Variants in PTHLH observed in about 807,000 individuals in gnomAD.
PTHLH encodes parathyroid hormone like hormone, also known as parathyroid hormone-related protein.
Under a neutral mutation model 18.6 loss-of-function variants are expected in PTHLH, and 5 were observed. The ratio of observed to expected loss-of-function variants is 0.27; its 90% CI spans 0.14 to 0.56. The LOEUF is 0.56. Among genes scored for constraint, PTHLH ranks in the 20% least tolerant of loss-of-function variants. PTHLH has a pLI of 0.92. For missense variants in PTHLH, 207 were observed against 223.9 expected, an observed-to-expected ratio of 0.92 and a Z score of 0.48; for synonymous variants, 90 against 94.0, an observed-to-expected ratio of 0.96 and a Z score of 0.25.
intron 4 of PTHLH, 87 bp downstream of exon 4, chr12:27,969,307 G>T (rs536647138): frequency 1.5e-6 from 2 of 1,312,520 alleles, no homozygotes; most frequent in Non-Finnish European, 2.1e-6. Context: ...ATCGGTGACC[G>T]CTGCAAGCCC....
At chr12:27,964,831 T>C (rs941112080) in intron 4 of PTHLH, among the ~76,000 whole-genome samples, 3 of 152,228 alleles carry the variant, frequency 2.0e-5, no homozygotes, top group Non-Finnish European at 4.4e-5. Flanking sequence ...CATTGTGTAT[T>C]CTTTTATTAT....
intron 4 of PTHLH, among the ~76,000 whole-genome samples, chr12:27,966,384 A>G (rs949332407): frequency 6.6e-6 from 1 of 152,246 alleles, no homozygotes; most frequent in African/African-American, 2.4e-5. Context: ...ATGCTGTTAG[A>G]CACTTTACTT....
intron 4 of PTHLH, among the ~76,000 whole-genome samples, chr12:27,966,609 G>A (rs1404550873): frequency 6.6e-6 from 1 of 152,074 alleles, no homozygotes; most frequent in Non-Finnish European, 1.5e-5. Context: ...TACTCAATTT[G>A]TCTGTAAACA....
At chr12:27,961,334 C>CGTATATATATATACGTATATATATACGTA (rs1179427224) in intron 5 of PTHLH, among the ~76,000 whole-genome samples, 5 of 103,678 alleles carry the variant, frequency 4.8e-5, no homozygotes, top group African/African-American at 1.9e-4. Flanking sequence ...TATATATATA[C>CGTATATATATATACGTATATATATACGTA]TTTTTGCCTC....
At chr12:27,965,653 A>C (rs566568174) in intron 4 of PTHLH, among the ~76,000 whole-genome samples, 2 of 152,322 alleles carry the variant, frequency 1.3e-5, no homozygotes, top group East Asian at 3.9e-4. Flanking sequence ...AAGGAATTTA[A>C]CAGGAGCCTG....
intron 5 of PTHLH, among the ~76,000 whole-genome samples, chr12:27,960,717 C>CAAAA (rs146277675): frequency 2.1e-5 from 2 of 96,118 alleles, no homozygotes; most frequent in African/African-American, 4.0e-5. Flanking sequence ...GACTCTGTCT[C>CAAAA]AAAAAAAAAA....
chr12:27,965,518 A>T (rs934479319), intron 4 of PTHLH, among the ~76,000 whole-genome samples: 1 of 152,242 alleles, frequency 6.6e-6, no homozygotes, highest in Non-Finnish European at 1.5e-5. Flanking sequence ...AAAGAGTAAG[A>T]GATGAAAATA....
intron 4 of PTHLH, 28 bp downstream of exon 4, chr12:27,969,366 G>A: frequency 6.5e-7 from 1 of 1,547,720 alleles, no homozygotes; most frequent in Non-Finnish European, 8.7e-7. Flanking sequence ...TCCCCAACCC[G>A]GCGCCCTGGG....
intron 5 of PTHLH, among the ~76,000 whole-genome samples, chr12:27,959,843 T>G (rs2062739252): frequency 6.6e-6 from 1 of 152,188 alleles, no homozygotes; most frequent in African/African-American, 2.4e-5. Flanking sequence ...TGTGGATAGA[T>G]GATATGAATA....
intron 5 of PTHLH, chr12:27,962,143 G>T: frequency 2.0e-6 from 1 of 511,262 alleles, no homozygotes; most frequent in Non-Finnish European, 3.4e-6. Flanking sequence ...GACTACTCAG[G>T]TCTTTTAGCC....
intron 4 of PTHLH, 84 bp downstream of exon 4, chr12:27,969,310 G>T: frequency 7.5e-7 from 1 of 1,338,992 alleles, no homozygotes; most frequent in Non-Finnish European, 1.0e-6. Flanking sequence ...GGTGACCGCT[G>T]CAAGCCCTCG....
chr12:27,970,007 A>G lies in PTHLH; in HGVS notation c.-23+18T>C. 1 of 519,040 alleles carries G rather than the reference A, an allele frequency of 1.9e-6. No homozygotes were observed. The highest frequency in any genetic ancestry group is 3.8e-6 in the Non-Finnish European group (1 of 259,880). The allele number at this position is 519,040 out of a possible 1,614,324, so 32.2% of individuals were successfully genotyped here. On this transcript the variant is annotated intron_variant, in intron 3 of 5. Coordinates refer to ENST00000545234, the MANE Select transcript of PTHLH (RefSeq NM_198965.2). ...CTTGTAGCGAAACCCACATATATAT[A>G]CATAGCTGTCTGTCTACCTCCTCTG... is the stretch of plus-strand genomic sequence containing the variant.
Position 27,970,146 on chromosome 12 carries a change from GC to G in PTHLH, c.-145del. ...CGGCGAGGGCGGGTCGTTAGTGGCAGCCGGAGCGGCAGGGAGGCGGCAGCCC... is the reference window on the plus strand; with the variant it reads ...CGGCGAGGGCGGGTCGTTAGTGGCAGCGGAGCGGCAGGGAGGCGGCAGCCC... On this transcript the variant is annotated 5_prime_UTR_variant, in exon 3 of 6. Coordinates refer to ENST00000545234, the MANE Select transcript of PTHLH (RefSeq NM_198965.2). 1 of 518,198 alleles carries G rather than the reference GC, an allele frequency of 1.9e-6. No individual in the cohort carries two copies. The highest frequency in any genetic ancestry group is 3.9e-6 in the Non-Finnish European group (1 of 259,626). The allele number at this position is 518,198 out of a possible 1,614,324, so 32.1% of individuals were successfully genotyped here. A position where few individuals can be genotyped will look rare whatever the true frequency, so the allele number is the denominator to read the frequency against.
chr12:27,964,276 T>A lies in PTHLH; in HGVS notation c.102-506A>T, dbSNP rs1300208338. Among the ~76,000 whole-genome samples, 19 of 139,642 alleles carry A rather than the reference T, an allele frequency of 1.4e-4. 1 individual carries two copies. Among genetic ancestry groups the A allele is most frequent in the Admixed American group, 1.2e-3 (17 of 13,974 alleles). The allele number at this position is 139,642 out of a possible 152,430, so 91.6% of individuals were successfully genotyped here. ...TCTCTCTCTCTCTCTCTCCTCTCTC[T>A]CTCTCACACACACACACACACGCCC... On this transcript the variant is annotated intron_variant, in intron 4 of 5. Coordinates refer to ENST00000545234, the MANE Select transcript of PTHLH (RefSeq NM_198965.2).
intron 4 of PTHLH, among the ~76,000 whole-genome samples, chr12:27,967,384 T>A (rs2062824022): frequency 6.6e-6 from 1 of 152,158 alleles, no homozygotes; most frequent in Admixed American, 6.5e-5. Flanking sequence ...TAGCATCTAG[T>A]TAAAAAAAAA....
chr12:27,969,354 C>G (rs558583117), intron 4 of PTHLH, 40 bp downstream of exon 4: 1 of 1,532,106 alleles, frequency 6.5e-7, no homozygotes, highest in South Asian at 1.2e-5. Context: ...CTCCCCCTGG[C>G]CTCCCCAACC....
chr12:27,958,925 A>T (rs796863512), intron 5 of PTHLH, among the ~76,000 whole-genome samples: 11 of 152,390 alleles, frequency 7.2e-5, no homozygotes, highest in African/African-American at 2.6e-4. Context: ...AAATGAGGTT[A>T]CGTTGGACCA....
intron 5 of PTHLH, among the ~76,000 whole-genome samples, chr12:27,959,223 T>C (rs1380996872): frequency 6.6e-6 from 1 of 152,212 alleles, no homozygotes; most frequent in African/African-American, 2.4e-5. Flanking sequence ...GATTTTGTAG[T>C]AGTTTTCAAA....
chr12:27,962,612 C>T (rs958013052), intron 5 of PTHLH: 72 of 985,346 alleles, frequency 7.3e-5, no homozygotes, highest in Admixed American at 3.1e-4. Context: ...ATTTTTCCTA[C>T]GGCATTACCC....
Sources: gnomAD v4.1 joint callset for allele counts (sites outside exome capture counted in the v4.1 genomes callset) on GRCh38, gnomAD v4.1.1 for gene constraint, MANE v1.5 for transcripts, NCBI Gene and HGNC (gene_info 2026-07-23, HGNC 2026-07-21) for gene names.